Variants in RFX6 observed in about 807,000 individuals in gnomAD.
RFX6 encodes the protein DNA-binding protein RFX6.
In RFX6, 50 loss-of-function variants were observed where a neutral mutation model predicts 110.8. That is an observed-to-expected ratio of 0.45 (90% CI 0.36 to 0.57). RFX6 has a LOEUF of 0.57. Ranked by LOEUF, RFX6 falls within the 20% of genes least tolerant of loss-of-function variation. RFX6 has a pLI of 0.00. For missense variants in RFX6, 990 were observed against 1,127.0 expected (o/e 0.88, Z 1.74); for synonymous variants, 383 against 411.2 (o/e 0.93, Z 0.83).
At chr6:116,924,619 C>T in intron 14 of RFX6, 50 bp from the exon 15 acceptor site, 1 of 1,551,438 alleles carries the variant, frequency 6.4e-7, no homozygotes, top group Non-Finnish European at 8.9e-7. Context: ...CTTTCTCTCC[C>T]CTTTTTACAT....
intron 4 of RFX6, among the ~76,000 whole-genome samples, chr6:116,890,864 T>A (rs1287944884): frequency 3.3e-5 from 5 of 152,192 alleles, no homozygotes; most frequent in African/African-American, 1.2e-4. Context: ...GTAAAGATAT[T>A]CTGTCCTAAT....
At chr6:116,877,547 C>A in intron 1 of RFX6, 49 bp downstream of exon 1, 1 of 1,354,766 alleles carries the variant, frequency 7.4e-7, no homozygotes, top group South Asian at 1.3e-5. Flanking sequence ...GGGACGTATT[C>A]TAAGAAGGGC....
At chr6:116,882,047 G>A (rs1774600960) in intron 3 of RFX6, among the ~76,000 whole-genome samples, 1 of 151,968 alleles carries the variant, frequency 6.6e-6, no homozygotes, top group Non-Finnish European at 1.5e-5. Context: ...ATTATATGAA[G>A]AGACCCAAAT....
At chr6:116,887,061 C>T (rs1319266831) in intron 4 of RFX6, among the ~76,000 whole-genome samples, 4 of 151,812 alleles carry the variant, frequency 2.6e-5, no homozygotes, top group Non-Finnish European at 5.9e-5. Flanking sequence ...GACTCCATCT[C>T]AAAACATAAC....
chr6:116,916,914 T>C (rs1775480911), intron 9 of RFX6, among the ~76,000 whole-genome samples: 1 of 152,140 alleles, frequency 6.6e-6, no homozygotes, highest in Non-Finnish European at 1.5e-5. Flanking sequence ...TCTAAGCTGA[T>C]GGATAAAACT....
chr6:116,898,823 T>C (rs1429043019), intron 6 of RFX6, among the ~76,000 whole-genome samples: 1 of 152,134 alleles, frequency 6.6e-6, no homozygotes, highest in Non-Finnish European at 1.5e-5. Flanking sequence ...GGAAAGAAAG[T>C]AGGAGTTTGA....
At chr6:116,887,330 G>T (rs768930987) in intron 4 of RFX6, among the ~76,000 whole-genome samples, 1 of 152,126 alleles carries the variant, frequency 6.6e-6, no homozygotes, top group Non-Finnish European at 1.5e-5. Flanking sequence ...TGGGGACAAA[G>T]CCAGTCAATT....
intron 4 of RFX6, among the ~76,000 whole-genome samples, chr6:116,887,658 T>C (rs536772759): frequency 6.6e-6 from 1 of 152,342 alleles, no homozygotes; most frequent in South Asian, 2.1e-4. Context: ...TTGAGAATAA[T>C]CAGTCCATTC....
intron 6 of RFX6, among the ~76,000 whole-genome samples, chr6:116,897,679 A>G (rs1044042770): frequency 6.6e-6 from 1 of 152,212 alleles, no homozygotes; most frequent in African/African-American, 2.4e-5. Flanking sequence ...GATCCATTGG[A>G]GGCTATCTGG....
intron 4 of RFX6, among the ~76,000 whole-genome samples, chr6:116,888,257 A>G (rs914463193): frequency 1.3e-5 from 2 of 152,238 alleles, no homozygotes; most frequent in African/African-American, 4.8e-5. Context: ...ATTGTTCAGC[A>G]AATGAAGAAA....
At chr6:116,908,685 C>G (rs1562141705) in intron 6 of RFX6, among the ~76,000 whole-genome samples, 1 of 91,060 alleles carries the variant, frequency 1.1e-5, no homozygotes, top group Non-Finnish European at 2.5e-5. Context: ...CACACACACA[C>G]ACAGACACAC....
At position 116,931,723 on chromosome 6, in the gene RFX6, A is replaced by C; in HGVS notation, c.*217A>C. 1 of 460,264 alleles carries C rather than the reference A, an allele frequency of 2.2e-6. No homozygotes were observed. Among genetic ancestry groups the C allele is most frequent in the Non-Finnish European group, 3.8e-6 (1 of 260,682 alleles). The allele number at this position is 460,264 out of a possible 1,614,324, so 28.5% of individuals were successfully genotyped here. ...GAGTTTAAAATGTGAGCTCATTATT[A>C]ATCATAGTTTCAAAATTATCAAATA... On this transcript the variant is annotated 3_prime_UTR_variant, in exon 19 of 19. Transcript: ENST00000332958.
intron 3 of RFX6, among the ~76,000 whole-genome samples, chr6:116,881,291 C>A (rs1194553426): frequency 6.6e-6 from 1 of 151,926 alleles, no homozygotes; most frequent in South Asian, 2.1e-4. Flanking sequence ...TTAAGAAAGC[C>A]TTGTTCTTTA....
In RFX6 at chr6:116,910,844, G is replaced by A. The variant is rs549118571; in HGVS notation, c.673-91G>A. 4 of 931,850 alleles carry A rather than the reference G, an allele frequency of 4.3e-6. No individual in the cohort carries two copies. The East Asian group carries it at 9.7e-5, about 23-fold the overall frequency. The allele number at this position is 931,850 out of a possible 1,614,324, so 57.7% of individuals were successfully genotyped here. ...CATGGTTTGCAGGATGAAGAAGAAT[G>A]AAATTTTATGGATTTGTATTTTACT... On this transcript the variant is annotated intron_variant, in intron 6 of 18. Transcript: ENST00000332958.
intron 5 of RFX6, among the ~76,000 whole-genome samples, chr6:116,894,966 T>C (rs980608283): frequency 2.6e-5 from 4 of 152,132 alleles, no homozygotes; most frequent in Non-Finnish European, 2.9e-5. Context: ...CACCTGGCTT[T>C]TAAAAATATT....
chr6:116,880,433 A>T, intron 2 of RFX6, 111 bp from the exon 3 acceptor site: 1 of 899,766 alleles, frequency 1.1e-6, no homozygotes, highest in Non-Finnish European at 1.8e-6. Context: ...ACTTATGTCT[A>T]CTCATTACCT....
intron 15 of RFX6, 118 bp from the exon 16 acceptor site, chr6:116,925,335 A>T: frequency 2.2e-6 from 2 of 902,536 alleles, no homozygotes; most frequent in Non-Finnish European, 1.9e-6. Flanking sequence ...AACATTGCTT[A>T]GTAGTTTCCA....
intron 11 of RFX6, 103 bp downstream of exon 11, chr6:116,919,399 T>A: frequency 2.8e-6 from 3 of 1,061,112 alleles, no homozygotes; most frequent in Non-Finnish European, 4.4e-6. Flanking sequence ...GGGAGCTAAG[T>A]AGACAACAAC....
chr6:116,926,272 A>C (rs555994155), intron 16 of RFX6, among the ~76,000 whole-genome samples: 1 of 152,306 alleles, frequency 6.6e-6, no homozygotes, highest in Non-Finnish European at 1.5e-5. Flanking sequence ...GGGTGACGAG[A>C]GTGAAGCTCC....
Sources: gnomAD v4.1 joint callset for allele counts (sites outside exome capture counted in the v4.1 genomes callset) on GRCh38, gnomAD v4.1.1 for gene constraint, MANE v1.5 for transcripts, NCBI Gene and HGNC (gene_info 2026-07-23, HGNC 2026-07-21) for gene names.